The following PIK3C3 variants were observed in gnomAD, a reference collection of about 807,000 sequenced individuals.
The protein encoded by PIK3C3 is PI3-kinase type 3.
A neutral mutation model predicts 126.1 loss-of-function variants in PIK3C3; 95 were observed. That is an observed-to-expected ratio of 0.75 (90% CI 0.64 to 0.89). PIK3C3 has a LOEUF of 0.89. Ranked by LOEUF, PIK3C3 falls within the 40% of genes least tolerant of loss-of-function variation. The pLI, the probability that PIK3C3 is intolerant of heterozygous loss-of-function variation, is 0.00. For synonymous variants in PIK3C3, 374 were observed against 360.0 expected (o/e 1.04, Z -0.44); for missense variants, 829 against 1,063.2 (o/e 0.78, Z 3.06).
At chr18:41,995,866 T>C in intron 7 of PIK3C3, 24 bp from the exon 8 acceptor site, 1 of 1,522,844 alleles carries the variant, frequency 6.6e-7, no homozygotes, top group Non-Finnish European at 9.1e-7. Context: ...GTTTACATTG[T>C]CAATATTTTA....
At position 42,054,168 on chromosome 18, in the gene PIK3C3, A is replaced by ATATATC. The variant is rs1568002795; in HGVS notation, c.2264-3710_2264-3709insCTATAT. On this transcript the variant is annotated intron_variant, in intron 21 of 24. Transcript: ENST00000262039. ...TATATATATATATATATATATATAT[A>ATATATC]TATATATATATATATATATATATAA... is the stretch of plus-strand genomic sequence containing the variant. 1.2e-4 allele frequency among the ~76,000 whole-genome samples: 6 copies of ATATATC among 49,722 alleles called. No homozygotes were observed. In the East Asian group the frequency reaches 3.3e-3, roughly 27 times the overall value. 32.6% of individuals were successfully genotyped at this position (49,722 alleles called of 152,430 possible). A position where few individuals can be genotyped will look rare whatever the true frequency, so the allele number is the denominator to read the frequency against.
chr18:42,061,294 G>A (rs931049776), intron 22 of PIK3C3, among the ~76,000 whole-genome samples: 18 of 151,822 alleles, frequency 1.2e-4, no homozygotes, highest in Non-Finnish European at 4.4e-5. Flanking sequence ...TCTAATACTG[G>A]TTTGTTGGCC....
At chr18:42,033,783 C>T (rs749614766) in intron 15 of PIK3C3, 43 bp from the exon 16 acceptor site, 127 of 1,438,264 alleles carry the variant, frequency 8.8e-5, no homozygotes, top group Admixed American at 2.9e-4. Context: ...TTATAAACTA[C>T]TCTTCTATTT....
At chr18:42,061,146 T>C (rs1260646575) in intron 22 of PIK3C3, among the ~76,000 whole-genome samples, 2 of 152,126 alleles carry the variant, frequency 1.3e-5, no homozygotes, top group Non-Finnish European at 2.9e-5. Flanking sequence ...GAGTGCAGTT[T>C]CCTTGAACAT....
At chr18:42,024,597 G>A (rs1189494290) in intron 13 of PIK3C3, among the ~76,000 whole-genome samples, 3 of 151,652 alleles carry the variant, frequency 2.0e-5, no homozygotes, top group Admixed American at 6.6e-5. Flanking sequence ...CACCAAGCCC[G>A]GCTAATTTTG....
At chr18:41,979,874 CATTATT>C (rs60161824) in intron 4 of PIK3C3, among the ~76,000 whole-genome samples, 12,236 of 132,740 alleles carry the variant, frequency 0.092, 1,626 homozygotes, top group African/African-American at 0.32. Context: ...GGAATCATGC[CATTATT>C]ATTATTATTA....
At chr18:42,052,417 A>G (rs148063539) in intron 21 of PIK3C3, among the ~76,000 whole-genome samples, 1 of 152,272 alleles carries the variant, frequency 6.6e-6, no homozygotes, top group East Asian at 1.9e-4. Flanking sequence ...TTAAAACAGC[A>G]GTTCATTTTT....
At chr18:41,987,318 G>A (rs969082455) in intron 4 of PIK3C3, among the ~76,000 whole-genome samples, 2 of 151,956 alleles carry the variant, frequency 1.3e-5, no homozygotes, top group African/African-American at 2.4e-5. Flanking sequence ...TTTTATCACC[G>A]TTGCCTAAAA....
At chr18:42,019,443 T>C (rs1288694542) in intron 12 of PIK3C3, among the ~76,000 whole-genome samples, 1 of 152,206 alleles carries the variant, frequency 6.6e-6, no homozygotes, top group South Asian at 2.1e-4. Context: ...TTAATACTTT[T>C]GGTTGCACAT....
At chr18:42,040,532 A>C in intron 18 of PIK3C3, 145 bp from the exon 19 acceptor site, 1 of 485,910 alleles carries the variant, frequency 2.1e-6, no homozygotes, top group Non-Finnish European at 3.6e-6. Context: ...GCCAGTACAA[A>C]CTTAATGTAG....
Position 42,013,485 on chromosome 18 carries a change from A to T in PIK3C3, c.1214A>T (p.Tyr405Phe). ...YLLQLVQALK[Y>F]ENFDDIKNGL... ...TTACAATTGGTCCAGGCTCTCAAAT[A>T]TGAAAATTTTGATGATATAAAGAAT... The change falls in exon 11 of 25, where the codon TAT (tyrosine) becomes TTT (phenylalanine). Residue 405 changes from tyrosine to phenylalanine, a missense_variant. By Grantham distance (22) the Tyr-to-Phe change is conservative. This residue lies in a region of PIK3C3 where 256 missense variants were observed against 291.0 expected (regional missense o/e 0.88). Transcript: ENST00000262039. 6.3e-7 allele frequency: 1 copy of T among 1,592,176 alleles called. No homozygotes were observed. Among genetic ancestry groups the T allele is most frequent in the Non-Finnish European group, 8.6e-7 (1 of 1,168,514 alleles).
At chr18:42,019,824 A>G (rs559641181) in intron 12 of PIK3C3, among the ~76,000 whole-genome samples, 6 of 152,106 alleles carry the variant, frequency 3.9e-5, no homozygotes, top group Non-Finnish European at 7.4e-5. Flanking sequence ...CTCTTACTCT[A>G]TAGATAGGCA....
Position 42,083,852 on chromosome 18 carries a change from A to G in PIK3C3, c.*2715A>G, listed in dbSNP as rs1488002470. 1 of 152,164 alleles carries G rather than the reference A, an allele frequency of 6.6e-6. No homozygotes were observed. The highest frequency in any genetic ancestry group is 6.5e-5 in the Admixed American group (1 of 15,272). 9.4% of individuals were successfully genotyped at this position (152,164 alleles called of 1,614,324 possible). ...CCAGTGATCACAGTCTTGACGATTA[A>G]ATTCTTCCAGCTTTCATTTTTCACT... On this transcript the variant is annotated 3_prime_UTR_variant, in exon 25 of 25. Transcript: ENST00000262039.
At chr18:42,022,771 A>C (rs1475144998) in intron 13 of PIK3C3, among the ~76,000 whole-genome samples, 36 of 152,148 alleles carry the variant, frequency 2.4e-4, no homozygotes, top group Admixed American at 2.4e-3. Context: ...TATGTCCTTG[A>C]AAATATAGGA....
At chr18:42,000,765 G>T (rs988810088) in intron 9 of PIK3C3, among the ~76,000 whole-genome samples, 4 of 152,090 alleles carry the variant, frequency 2.6e-5, no homozygotes, top group African/African-American at 7.2e-5. Context: ...CTTGTGCAAG[G>T]AAACTCCCCC....
In PIK3C3 at chr18:42,013,615, G is replaced by A; in HGVS notation, c.1325+19G>A. 1 of 1,536,314 alleles carries A rather than the reference G, an allele frequency of 6.5e-7. No individual in the cohort carries two copies. Among genetic ancestry groups the A allele is most frequent in the Non-Finnish European group, 8.8e-7 (1 of 1,133,916 alleles). On this transcript the variant is annotated intron_variant, in intron 11 of 24. Transcript: ENST00000262039. ...TAGATAGGTATGGATATCCAGGGAG[G>A]ACATATTTTCTAGTTTGTTAATTTT...
rs1163293431 is a variant in PIK3C3 at position 42,057,779 on chromosome 18, T to TA, written c.2264-103dup. 49 of 1,012,418 alleles carry TA rather than the reference T, an allele frequency of 4.8e-5. No individual in the cohort carries two copies. In the African/African-American group the frequency reaches 7.7e-4, roughly 16 times the overall value. The allele number at this position is 1,012,418 out of a possible 1,614,324, so 62.7% of individuals were successfully genotyped here. ...TTTAATAGGCTTCATCGTGAACTAATATTCTTTATGAAGAGACACTGTTTA... is the reference window on the plus strand; with the variant it reads ...TTTAATAGGCTTCATCGTGAACTAATAATTCTTTATGAAGAGACACTGTTTA... On this transcript the variant is annotated intron_variant, in intron 21 of 24. Transcript: ENST00000262039.
intron 22 of PIK3C3, among the ~76,000 whole-genome samples, chr18:42,063,285 A>G (rs937617118): frequency 6.6e-6 from 1 of 152,196 alleles, no homozygotes; most frequent in African/African-American, 2.4e-5. Context: ...AACTTCATGA[A>G]TGTGGGGACC....
Position 42,058,065 on chromosome 18 carries a change from C to G in PIK3C3, c.2432+14C>G, listed in dbSNP as rs191333318. 4.5e-4 allele frequency: 701 copies of G among 1,553,582 alleles called. 3 individuals carry two copies. In the African/African-American group the frequency reaches 8.8e-3, roughly 20 times the overall value. ...CCACCTGCGAAGGTAAGTTGATTTG[C>G]TTGGCACAGAGAATTTGGGTAAATT... On this transcript the variant is annotated intron_variant, in intron 22 of 24. Transcript: ENST00000262039.
Sources: gnomAD v4.1 joint callset for allele counts (sites outside exome capture counted in the v4.1 genomes callset) on GRCh38, gnomAD v4.1.1 for gene constraint, gnomAD v4.1.1 regional missense constraint, MANE v1.5 for transcripts, NCBI Gene and HGNC (gene_info 2026-07-23, HGNC 2026-07-21) for gene names.